Variants in MARCO observed in about 807,000 individuals in gnomAD.
The protein encoded by MARCO is macrophage receptor with collagenous structure, also known as macrophage receptor MARCO.
Under a neutral mutation model 70.0 loss-of-function variants are expected in MARCO, and 72 were observed. The ratio of observed to expected loss-of-function variants is 1.03; its 90% CI spans 0.85 to 1.25. The LOEUF (loss-of-function observed/expected upper bound fraction) is 1.25, where lower values mean the gene tolerates loss of function less well. Among genes scored for constraint, MARCO ranks in the 50% most tolerant of loss-of-function variants. The pLI is 0.00. For synonymous variants in MARCO, 273 were observed against 243.1 expected (o/e 1.12, Z -1.14); for missense variants, 696 against 659.3 (o/e 1.06, Z -0.61).
intron 12 of MARCO, among the ~76,000 whole-genome samples, chr2:118,986,660 G>GAA (rs1680503127): frequency 3.2e-5 from 1 of 31,078 alleles, no homozygotes; most frequent in Non-Finnish European, 5.0e-5. Context: ...AAAGAAGGAA[G>GAA]GAAGGAAGGA....
chr2:118,982,937 T>C (rs1680422724), intron 12 of MARCO, among the ~76,000 whole-genome samples: 2 of 152,370 alleles, frequency 1.3e-5, no homozygotes, highest in South Asian at 4.1e-4. Flanking sequence ...GTCTAGGTCG[T>C]AAACCATTGT....
chr2:118,991,720 G>C, intron 13 of MARCO, 57 bp from the exon 14 acceptor site: 1 of 1,013,306 alleles, frequency 9.9e-7, no homozygotes, highest in South Asian at 1.5e-5. Flanking sequence ...ATGCCCTTGG[G>C]TCTCTCTTGG....
At chr2:118,958,186 A>C (rs1434018237) in intron 1 of MARCO, among the ~76,000 whole-genome samples, 4 of 152,264 alleles carry the variant, frequency 2.6e-5, no homozygotes, top group East Asian at 1.9e-4. Flanking sequence ...AGGGCATCCA[A>C]ATTGGTAAAG....
At chr2:118,953,016 C>T (rs1679754060) in intron 1 of MARCO, 1 of 152,166 alleles carries the variant, frequency 6.6e-6, no homozygotes, top group Non-Finnish European at 1.5e-5. Flanking sequence ...CATATTTATC[C>T]CTTACACATT....
At chr2:118,948,039 G>C (rs1679635903) in intron 1 of MARCO, among the ~76,000 whole-genome samples, 1 of 152,116 alleles carries the variant, frequency 6.6e-6, no homozygotes. Context: ...TACAGATCCT[G>C]TACATGTTTT....
In MARCO at chr2:118,990,693, A is replaced by C. The variant is rs1680605479; in HGVS notation, c.1108+60A>C. 3.9e-6 allele frequency: 6 copies of C among 1,526,882 alleles called. No homozygotes were observed. In the East Asian group the frequency reaches 1.4e-4, roughly 34 times the overall value. The allele number at this position is 1,526,882 out of a possible 1,614,324, so 94.6% of individuals were successfully genotyped here. On this transcript the variant is annotated intron_variant, in intron 13 of 16. Coordinates refer to ENST00000327097, the MANE Select transcript of MARCO (RefSeq NM_006770.4). ...GATGACGGGGAAGGCCTGCCTTCTC[A>C]GAGGGCAGGTCTTGTTGACATTGAA...
chr2:118,989,635 G>A (rs1237030543), intron 12 of MARCO, among the ~76,000 whole-genome samples: 2 of 152,232 alleles, frequency 1.3e-5, no homozygotes, highest in African/African-American at 2.4e-5. Context: ...TCCAGGGATT[G>A]AAGTGAGAGG....
chr2:118,967,848 C>G (rs376362299), intron 1 of MARCO, among the ~76,000 whole-genome samples: 2 of 152,286 alleles, frequency 1.3e-5, no homozygotes, highest in Non-Finnish European at 2.9e-5. Flanking sequence ...GGCACACATT[C>G]CCTTGGGCTC....
chr2:118,956,643 C>T (rs1000658993), intron 1 of MARCO, among the ~76,000 whole-genome samples: 1 of 152,122 alleles, frequency 6.6e-6, no homozygotes, highest in African/African-American at 2.4e-5. Context: ...AGCAAATGGA[C>T]TTAGCAGATA....
At position 118,969,234 on chromosome 2, in the gene MARCO, G is replaced by A. The variant is rs779729953; in HGVS notation, c.172G>A (p.Ala58Thr). 2.1e-5 allele frequency: 34 copies of A among 1,614,028 alleles called. No homozygotes were observed. Among genetic ancestry groups the A allele is most frequent in the Admixed American group, 1.2e-4 (7 of 60,012 alleles). ...GGTCATCTACCTGATCCTGCTCACC[G>A]CTGGCGCTGGGCTGCTGGTGGTCCA... ...VVVIYLILLT[A>T]GAGLLVVQVL... Residue 58 changes from alanine to threonine, a missense_variant, in exon 2 of 17, where the codon GCT (alanine) becomes ACT (threonine). Coordinates refer to ENST00000327097, the MANE Select transcript of MARCO (RefSeq NM_006770.4).
chr2:118,991,267 C>A (rs1251950214), intron 13 of MARCO, among the ~76,000 whole-genome samples: 10 of 90,546 alleles, frequency 1.1e-4, no homozygotes, highest in African/African-American at 3.9e-4. Flanking sequence ...TTTTTTTTTT[C>A]AATTTTTTTA....
At position 118,982,274 on chromosome 2, in the gene MARCO, G is replaced by A. The variant is rs1383065239; in HGVS notation, c.1000+20G>A. Reference sequence around the variant, plus strand: ...GAGCAGGTGAGGTCCTGGGTCCTATGGTGGGCACAGGGAGTGATGTGTGAA... The same window carrying A: ...GAGCAGGTGAGGTCCTGGGTCCTATAGTGGGCACAGGGAGTGATGTGTGAA... On this transcript the variant is annotated intron_variant, in intron 11 of 16. Coordinates refer to ENST00000327097, the MANE Select transcript of MARCO (RefSeq NM_006770.4). 1 of 1,611,522 alleles carries A rather than the reference G, an allele frequency of 6.2e-7. No individual in the cohort carries two copies. Among genetic ancestry groups the A allele is most frequent in the Admixed American group, 1.7e-5 (1 of 59,996 alleles).
At chr2:118,967,585 T>C (rs962404130) in intron 1 of MARCO, among the ~76,000 whole-genome samples, 1 of 151,800 alleles carries the variant, frequency 6.6e-6, no homozygotes, top group African/African-American at 2.4e-5. Context: ...CTAAACTGAG[T>C]ATAATCGAGT....
chr2:118,984,939 A>G (rs1403411189), intron 12 of MARCO, among the ~76,000 whole-genome samples: 2 of 152,162 alleles, frequency 1.3e-5, no homozygotes, highest in South Asian at 4.1e-4. Context: ...ATATCTAGCC[A>G]CTTTAGATGA....
At chr2:118,962,240 T>C (rs1267524607) in intron 1 of MARCO, among the ~76,000 whole-genome samples, 1 of 152,220 alleles carries the variant, frequency 6.6e-6, no homozygotes, top group Admixed American at 6.5e-5. Flanking sequence ...GATAGTTTCT[T>C]CTAATTCTGT....
chr2:118,989,229 A>G (rs1186371325), intron 12 of MARCO, among the ~76,000 whole-genome samples: 1 of 152,206 alleles, frequency 6.6e-6, no homozygotes, highest in Non-Finnish European at 1.5e-5. Flanking sequence ...GCAGTGAGGC[A>G]TTCTATTCAG....
At position 118,981,631 on chromosome 2, in the gene MARCO, T is replaced by C. The variant is rs760819256; in HGVS notation, c.876T>C (p.Gly292=). ...FGRPGPPGLA[G]FPGAKGDQGQ... is the part of the protein sequence containing the mutation. ...TCTTTTTCATCTTAGGTTTGGCTGG[T>C]TTTCCTGGAGCTAAAGGAGATCAAG... The change falls in exon 10 of 17, where the codon GGT becomes GGC. Residue 292 remains glycine (G), a synonymous_variant. Coordinates refer to ENST00000327097, the MANE Select transcript of MARCO (RefSeq NM_006770.4). 16 of 1,613,716 alleles carry C rather than the reference T, an allele frequency of 9.9e-6. No individual in the cohort carries two copies. The South Asian group carries it at 1.6e-4, about 17-fold the overall frequency.
chr2:118,954,036 TA>T (rs1305839264), intron 1 of MARCO, among the ~76,000 whole-genome samples: 2 of 152,152 alleles, frequency 1.3e-5, no homozygotes, highest in East Asian at 3.9e-4. Flanking sequence ...CTGAACTTTG[TA>T]ACAATTTGAA....
At chr2:118,968,797 G>T (rs965885138) in intron 1 of MARCO, among the ~76,000 whole-genome samples, 5 of 152,142 alleles carry the variant, frequency 3.3e-5, no homozygotes, top group African/African-American at 1.2e-4. Context: ...CCAGAGTTTT[G>T]AAATTTAAAC....
Sources: gnomAD v4.1 joint callset for allele counts (sites outside exome capture counted in the v4.1 genomes callset) on GRCh38, gnomAD v4.1.1 for gene constraint, MANE v1.5 for transcripts, NCBI Gene and HGNC (gene_info 2026-07-23, HGNC 2026-07-21) for gene names.